The following PAX2 variants were observed in gnomAD, a reference collection of about 807,000 sequenced individuals.
PAX2 encodes the protein paired box protein Pax-2.
PAX2 carries 9 observed loss-of-function variants against 41.7 expected under a neutral mutation model. The ratio of observed to expected loss-of-function variants is 0.22; its 90% CI spans 0.13 to 0.38. The LOEUF (loss-of-function observed/expected upper bound fraction) is 0.38, where lower values mean the gene tolerates loss of function less well. Ranked by LOEUF, PAX2 falls within the 10% of genes least tolerant of loss-of-function variation. The pLI is 1.00. For synonymous variants in PAX2, 221 were observed against 212.7 expected, an observed-to-expected ratio of 1.04 and a Z score of -0.34; for missense variants, 418 against 531.6, an observed-to-expected ratio of 0.79 and a Z score of 2.10.
rs529715592 is a variant in PAX2, at chr10:100,802,746, G to A, written c.617-3684G>A. On this transcript the variant is annotated intron_variant, in intron 5 of 9. Coordinates refer to ENST00000355243, the MANE Select transcript of PAX2 (RefSeq NM_000278.5). ...CTTTGACTGGCTGCTGGGCCTGGGG[G>A]CAAAGGGGCTGTTGGATAGGGGATC... 3.9e-5 allele frequency among the ~76,000 whole-genome samples: 6 copies of A among 152,324 alleles called. No individual in the cohort carries two copies. The South Asian group carries it at 1.2e-3, about 32-fold the overall frequency.
intron 5 of PAX2, among the ~76,000 whole-genome samples, chr10:100,788,291 T>A (rs1218064529): frequency 6.6e-6 from 1 of 152,244 alleles, no homozygotes; most frequent in African/African-American, 2.4e-5. Flanking sequence ...GCTGCCTCCA[T>A]GGCTGGATTA....
In PAX2 at chr10:100,827,808, G is replaced by A; in HGVS notation, c.*189G>A. ...CCCCCTCGAAGGTCGGACAGGACGGGTGGAGCCGTGGGCGGGACCCTCAGG... is the reference window on the plus strand; with the variant it reads ...CCCCCTCGAAGGTCGGACAGGACGGATGGAGCCGTGGGCGGGACCCTCAGG... On this transcript the variant is annotated 3_prime_UTR_variant, in exon 10 of 10. Transcript: ENST00000355243. The surrounding 1 kb of genome is among the most constrained non-coding windows in gnomAD (Gnocchi z 8.5). The A allele has an allele frequency of 1.2e-6, 1 of 837,870 alleles. No homozygotes were observed. The highest frequency in any genetic ancestry group is 1.9e-6 in the Non-Finnish European group (1 of 536,040). The allele number at this position is 837,870 out of a possible 1,614,324, so 51.9% of individuals were successfully genotyped here.
chr10:100,823,115 G>A (rs1848424532), intron 7 of PAX2, among the ~76,000 whole-genome samples: 1 of 152,194 alleles, frequency 6.6e-6, no homozygotes, highest in African/African-American at 2.4e-5. Flanking sequence ...ACATTGCCAA[G>A]GAGAATTGAC....
chr10:100,816,824 G>A (rs2133970645), intron 7 of PAX2, among the ~76,000 whole-genome samples: 1 of 152,318 alleles, frequency 6.6e-6, no homozygotes, highest in Admixed American at 6.5e-5. Context: ...GTGGCGGCTG[G>A]GCTGGCAGGC....
In PAX2 at chr10:100,750,520, G is replaced by A. The variant is rs984785671; in HGVS notation, c.213-174G>A. 2.0e-5 allele frequency among the ~76,000 whole-genome samples: 3 copies of A among 152,178 alleles called. No individual in the cohort carries two copies. The East Asian group carries it at 5.8e-4, about 29-fold the overall frequency. Reference sequence around the variant, plus strand: ...GGTACCCCTTGTCCTCCTACTCCGCGGCGCTCCTCCTAGCCAGGCACCCTC... The same window carrying A: ...GGTACCCCTTGTCCTCCTACTCCGCAGCGCTCCTCCTAGCCAGGCACCCTC... On this transcript the variant is annotated intron_variant, in intron 2 of 9. Transcript: ENST00000355243. This position sits in a 1 kb window ranked among gnomAD's most constrained non-coding sequence, Gnocchi z 4.1.
chr10:100,818,560 C>A (rs909544029), intron 7 of PAX2, among the ~76,000 whole-genome samples: 1 of 151,560 alleles, frequency 6.6e-6, no homozygotes, highest in Non-Finnish European at 1.5e-5. Flanking sequence ...AAGTCATGTA[C>A]CATCTACACA....
chr10:100,760,165 G>A (rs1227445637), intron 3 of PAX2, among the ~76,000 whole-genome samples: 2 of 152,164 alleles, frequency 1.3e-5, no homozygotes, highest in Non-Finnish European at 2.9e-5. Flanking sequence ...TATCTAGCTA[G>A]GCCTGGCTTC....
intron 3 of PAX2, among the ~76,000 whole-genome samples, chr10:100,768,423 A>G (rs1372508836): frequency 6.6e-6 from 1 of 152,248 alleles, no homozygotes; most frequent in East Asian, 1.9e-4. Flanking sequence ...CTACCAGTGC[A>G]TATAAAATTC....
Position 100,745,586 on chromosome 10 carries a change from T to G in PAX2, c.-675T>G, listed in dbSNP as rs901090866. On this transcript the variant is annotated 5_prime_UTR_variant, in exon 1 of 10. Transcript: ENST00000355243. ...CACACCGGGAGCCGAGGCTCCAGTC[T>G]CCGGCCGAGTCTTCTCGCAGCCGCA... 138 of 201,090 alleles carry G rather than the reference T, an allele frequency of 6.9e-4. 2 individuals are homozygous for G. Among genetic ancestry groups the G allele is most frequent in the Non-Finnish European group, 1.8e-4 (19 of 104,490 alleles). 12.5% of individuals were successfully genotyped at this position (201,090 alleles called of 1,614,324 possible).
intron 3 of PAX2, among the ~76,000 whole-genome samples, chr10:100,771,990 A>T (rs1157832813): frequency 6.6e-6 from 1 of 152,026 alleles, no homozygotes; most frequent in African/African-American, 2.4e-5. Flanking sequence ...TATTTTTAGT[A>T]GAGGCGAGGT....
At chr10:100,816,754 A>G (rs1235049578) in intron 7 of PAX2, among the ~76,000 whole-genome samples, 1 of 152,152 alleles carries the variant, frequency 6.6e-6, no homozygotes, top group Non-Finnish European at 1.5e-5. Context: ...CACTATTGTC[A>G]CTTCTGAGAG....
rs111409715 is a variant in PAX2 at position 100,813,230 on chromosome 10, G to T, written c.919+3994G>T. On this transcript the variant is annotated intron_variant, in intron 7 of 9. Coordinates refer to ENST00000355243, the MANE Select transcript of PAX2 (RefSeq NM_000278.5). ...GGCCTCTAGTGGGCATTGCTGCCGC[G>T]CACTGGCAGAGCCTTGAGCAAGTGC... Among the ~76,000 whole-genome samples, 986 of 152,314 alleles carry T rather than the reference G, an allele frequency of 6.5e-3. 13 individuals carry two copies. The highest frequency in any genetic ancestry group is 0.023 in the African/African-American group (940 of 41,562).
In PAX2 at chr10:100,748,716, G is replaced by C. The variant is rs920260355; in HGVS notation, c.44-1030G>C. ...GTTCCGAGATCGGGAGCCCGCGCTG[G>C]AGCCGGGTTGGAAACCCCGTGCCCT... On this transcript the variant is annotated intron_variant, in intron 1 of 9. Coordinates refer to ENST00000355243, the MANE Select transcript of PAX2 (RefSeq NM_000278.5). This position sits in a 1 kb window ranked among gnomAD's most constrained non-coding sequence, Gnocchi z 5.0. The C allele has an allele frequency of 6.1e-6, 6 of 985,404 alleles. No individual in the cohort carries two copies. Among genetic ancestry groups the C allele is most frequent in the Non-Finnish European group, 7.2e-6 (6 of 829,992 alleles). 61.0% of individuals were successfully genotyped at this position (985,404 alleles called of 1,614,324 possible). A position where few individuals can be genotyped will look rare whatever the true frequency, so the allele number is the denominator to read the frequency against.
Position 100,746,068 on chromosome 10 carries a change from T to C in PAX2, c.-193T>C. On this transcript the variant is annotated 5_prime_UTR_variant, in exon 1 of 10. Coordinates refer to ENST00000355243, the MANE Select transcript of PAX2 (RefSeq NM_000278.5). Reference sequence around the variant, plus strand: ...AGTTGCGGCTACTGCAGTTGCAAGCTCCGGCCAACCCGGAGGAGCCCCAGC... The same window carrying C: ...AGTTGCGGCTACTGCAGTTGCAAGCCCCGGCCAACCCGGAGGAGCCCCAGC... 6.8e-7 allele frequency: 1 copy of C among 1,479,958 alleles called. No homozygotes were observed. Among genetic ancestry groups the C allele is most frequent in the South Asian group, 1.4e-5 (1 of 73,038 alleles). The allele number at this position is 1,479,958 out of a possible 1,614,324, so 91.7% of individuals were successfully genotyped here.
intron 5 of PAX2, among the ~76,000 whole-genome samples, chr10:100,788,984 C>T (rs1846990840): frequency 1.3e-5 from 2 of 152,194 alleles, no homozygotes; most frequent in Non-Finnish European, 1.5e-5. Context: ...CTAAAGTGAG[C>T]TTACATCGTG....
chr10:100,754,510 A>G (rs1333572528), intron 3 of PAX2, among the ~76,000 whole-genome samples: 2 of 152,178 alleles, frequency 1.3e-5, no homozygotes, highest in Non-Finnish European at 2.9e-5. Flanking sequence ...GCTCTAGGTG[A>G]GTACATTCAT....
rs913840697 is a variant in PAX2, at chr10:100,748,590, A to G, written c.44-1156A>G. 3 of 985,244 alleles carry G rather than the reference A, an allele frequency of 3.0e-6. No homozygotes were observed. The African/African-American group carries it at 5.2e-5, about 17-fold the overall frequency. 61.0% of individuals were successfully genotyped at this position (985,244 alleles called of 1,614,324 possible). ...CTTGGATTGCTCAGTACCTGCGGCT[A>G]CGGGTTGATCGCTCTGGGTGCAGGA... On this transcript the variant is annotated intron_variant, in intron 1 of 9. Coordinates refer to ENST00000355243, the MANE Select transcript of PAX2 (RefSeq NM_000278.5). The surrounding 1 kb of genome is among the most constrained non-coding windows in gnomAD (Gnocchi z 5.0).
upstream of PAX2, among the ~76,000 whole-genome samples, chr10:100,744,559 C>T (rs1845079271): frequency 6.6e-6 from 1 of 152,214 alleles, no homozygotes; most frequent in East Asian, 1.9e-4. Flanking sequence ...GCCTCCTGCG[C>T]TCGCCCCGGA....
chr10:100,757,148 C>T (rs568591983), intron 3 of PAX2, among the ~76,000 whole-genome samples: 81 of 152,216 alleles, frequency 5.3e-4, no homozygotes, highest in African/African-American at 1.8e-3. Context: ...ATCTTCTGTG[C>T]GTGTGGATTT....
Sources: allele counts gnomAD v4.1 joint callset (sites outside exome capture counted in the v4.1 genomes callset), GRCh38; gene constraint gnomAD v4.1.1; non-coding constraint Gnocchi (gnomAD v3.1); transcripts MANE v1.5; gene names NCBI Gene and HGNC (gene_info 2026-07-23, HGNC 2026-07-21).